ZNF121: variants seen among roughly 807,000 people sequenced by gnomAD.
The protein encoded by ZNF121 is zinc finger protein 121 (clone ZHC32).
Under a neutral mutation model 2.4 loss-of-function variants are expected in ZNF121, and 1 was observed. The observed-to-expected ratio is 0.41, with a 90% CI of 0.15 to 1.94. The LOEUF is 1.94. ZNF121 is among the 30% of genes most tolerant of loss of function. The pLI, the probability that ZNF121 is intolerant of heterozygous loss-of-function variation, is 0.30. For synonymous variants in ZNF121, 173 were observed against 158.6 expected, an observed-to-expected ratio of 1.09 and a Z score of -0.68; for missense variants, 369 against 466.3, an observed-to-expected ratio of 0.79 and a Z score of 1.92.
rs566218272 is a variant in ZNF121, at chr19:9,561,753, A to G, written c.*4187T>C. ...AAAAAAATTAAGTGGGTGCGTTAGCATGTGCCTGTGGTCCCAGGTACTCAG... is the reference window on the plus strand; with the variant it reads ...AAAAAAATTAAGTGGGTGCGTTAGCGTGTGCCTGTGGTCCCAGGTACTCAG... On this transcript the variant is annotated 3_prime_UTR_variant, in exon 4 of 4. Transcript: ENST00000320451. 6.6e-6 allele frequency: 1 copy of G among 152,180 alleles called. No individual in the cohort carries two copies. The highest frequency in any genetic ancestry group is 1.9e-4 in the East Asian group (1 of 5,176). 9.4% of individuals were successfully genotyped at this position (152,180 alleles called of 1,614,324 possible).
intron 1 of ZNF121, among the ~76,000 whole-genome samples, chr19:9,579,915 G>A (rs1367381153): frequency 6.6e-6 from 1 of 152,188 alleles, no homozygotes; most frequent in Non-Finnish European, 1.5e-5. Context: ...AAACATGTAC[G>A]TCTATTATGA....
intron 1 of ZNF121, among the ~76,000 whole-genome samples, chr19:9,575,265 A>T (rs1005091984): frequency 7.0e-6 from 1 of 141,848 alleles, no homozygotes; most frequent in African/African-American, 3.1e-5. Flanking sequence ...ACTAAAAATT[A>T]AAAAAAAATT....
Position 9,561,468 on chromosome 19 carries a change from ACAC to A in ZNF121, c.*4469_*4471del, listed in dbSNP as rs2074100197. 6.6e-6 allele frequency: 1 copy of A among 152,224 alleles called. No individual in the cohort carries two copies. Among genetic ancestry groups the A allele is most frequent in the South Asian group, 2.1e-4 (1 of 4,832 alleles). The allele number at this position is 152,224 out of a possible 1,614,324, so 9.4% of individuals were successfully genotyped here. A position where few individuals can be genotyped will look rare whatever the true frequency, so the allele number is the denominator to read the frequency against. On this transcript the variant is annotated 3_prime_UTR_variant, in exon 4 of 4. Transcript: ENST00000320451. ...TGCATCAAATTTACAGTAGCTAACT[ACAC>A]CCCATAGATTAAGAATTTATGATAC...
Position 9,565,145 on chromosome 19 carries a change from T to A in ZNF121, c.*795A>T, listed in dbSNP as rs1041271730. Reference sequence around the variant, plus strand: ...TTATAGTGGTAGTCTGGAACAAAACTCACAATATCTACAGGGCATGCCTGT... The same window carrying A: ...TTATAGTGGTAGTCTGGAACAAAACACACAATATCTACAGGGCATGCCTGT... On this transcript the variant is annotated 3_prime_UTR_variant, in exon 4 of 4. Coordinates refer to ENST00000320451, the MANE Select transcript of ZNF121 (RefSeq NM_001008727.5). 6.6e-6 allele frequency: 1 copy of A among 151,864 alleles called. No homozygotes were observed. The highest frequency in any genetic ancestry group is 1.5e-5 in the Non-Finnish European group (1 of 67,986). The allele number at this position is 151,864 out of a possible 1,614,324, so 9.4% of individuals were successfully genotyped here.
intron 1 of ZNF121, among the ~76,000 whole-genome samples, chr19:9,582,856 T>C (rs984356705): frequency 6.6e-6 from 1 of 151,884 alleles, no homozygotes; most frequent in South Asian, 2.1e-4. Context: ...AGTCTAAACA[T>C]GCTGTTAATA....
At chr19:9,574,037 T>C (rs2074192687) in intron 1 of ZNF121, among the ~76,000 whole-genome samples, 1 of 151,852 alleles carries the variant, frequency 6.6e-6, no homozygotes, top group Non-Finnish European at 1.5e-5. Context: ...CTTTTTTTTT[T>C]TTTTTTGTAG....
At chr19:9,570,750 G>A (rs908726559) in intron 1 of ZNF121, among the ~76,000 whole-genome samples, 1 of 151,654 alleles carries the variant, frequency 6.6e-6, no homozygotes, top group African/African-American at 2.4e-5. Context: ...GCGAGGGGGG[G>A]GGGTATTTTT....
chr19:9,582,404 G>T (rs1001666093), intron 1 of ZNF121, among the ~76,000 whole-genome samples: 1 of 152,026 alleles, frequency 6.6e-6, no homozygotes, highest in Non-Finnish European at 1.5e-5. Context: ...CCTTCTCCTG[G>T]ACAATGAATC....
rs1366892653 is a variant in ZNF121 at position 9,584,488 on chromosome 19, A to G, written c.-187T>C. 1 of 152,306 alleles carries G rather than the reference A, an allele frequency of 6.6e-6. No homozygotes were observed. Among genetic ancestry groups the G allele is most frequent in the Admixed American group, 6.5e-5 (1 of 15,290 alleles). The allele number at this position is 152,306 out of a possible 1,614,324, so 9.4% of individuals were successfully genotyped here. A position where few individuals can be genotyped will look rare whatever the true frequency, so the allele number is the denominator to read the frequency against. On this transcript the variant is annotated 5_prime_UTR_variant, in exon 1 of 4. Coordinates refer to ENST00000320451, the MANE Select transcript of ZNF121 (RefSeq NM_001008727.5). The stretch of plus-strand genomic sequence containing the variant: ...CAGCCAGGGTGGACTCCACCACGAT[A>G]AAGGCGAAATGGCACTGACCATGCG...
chr19:9,572,098 A>G (rs555660163), intron 1 of ZNF121, among the ~76,000 whole-genome samples: 15 of 152,310 alleles, frequency 9.8e-5, no homozygotes, highest in South Asian at 6.2e-4. Context: ...AGAAGCATGC[A>G]GCATTTACGG....
intron 1 of ZNF121, among the ~76,000 whole-genome samples, chr19:9,576,946 T>C (rs1414297079): frequency 1.3e-5 from 2 of 152,130 alleles, no homozygotes; most frequent in Non-Finnish European, 2.9e-5. Context: ...AATAACAAGA[T>C]TGAAGCCGTA....
At chr19:9,573,311 T>C (rs74630155) in intron 1 of ZNF121, among the ~76,000 whole-genome samples, 2,163 of 152,228 alleles carry the variant, frequency 0.014, 29 homozygotes, top group Non-Finnish European at 0.02. Context: ...GAAAAAACTT[T>C]AGAATATATT....
intron 3 of ZNF121, 42 bp downstream of exon 3, chr19:9,568,053 A>C (rs2074146322): frequency 1.3e-6 from 2 of 1,526,556 alleles, no homozygotes; most frequent in Non-Finnish European, 1.8e-6. Context: ...ATTGAATCCC[A>C]ATCTTTTTTT....
rs1213003439 is a variant in ZNF121, at chr19:9,561,160, T to C, written c.*4780A>G. ...AGAGTTATTAATGTGTGGATACGTA[T>C]ATATAATTTTGTATGTCTTTGCCAT... On this transcript the variant is annotated 3_prime_UTR_variant, in exon 4 of 4. Transcript: ENST00000320451. 1 of 152,220 alleles carries C rather than the reference T, an allele frequency of 6.6e-6. No homozygotes were observed. Among genetic ancestry groups the C allele is most frequent in the African/African-American group, 2.4e-5 (1 of 41,460 alleles). 9.4% of individuals were successfully genotyped at this position (152,220 alleles called of 1,614,324 possible).
chr19:9,583,667 C>A (rs977061243), intron 1 of ZNF121, among the ~76,000 whole-genome samples: 1 of 151,920 alleles, frequency 6.6e-6, no homozygotes, highest in Admixed American at 6.6e-5. Flanking sequence ...TCGCGCCTGG[C>A]TAATTTTTTG....
At chr19:9,569,534 T>C (rs1417367570) in intron 1 of ZNF121, among the ~76,000 whole-genome samples, 1 of 151,664 alleles carries the variant, frequency 6.6e-6, no homozygotes. Context: ...TGTTTTCTGG[T>C]TTTGTTTTTT....
intron 1 of ZNF121, among the ~76,000 whole-genome samples, chr19:9,572,543 G>A (rs1390883462): frequency 2.0e-5 from 3 of 152,176 alleles, no homozygotes; most frequent in Admixed American, 1.3e-4. Flanking sequence ...CAAAGGAGAA[G>A]CCAAGTCAGA....
chr19:9,583,488 G>GATTTTT (rs1568217015), intron 1 of ZNF121, among the ~76,000 whole-genome samples: 1 of 109,816 alleles, frequency 9.1e-6, no homozygotes, highest in African/African-American at 4.6e-5. Flanking sequence ...ACCAAGCCTG[G>GATTTTT]CTTTTTTTTT....
Position 9,566,864 on chromosome 19 carries a change from T to C in ZNF121, c.249A>G (p.Ile83Met). The C allele has an allele frequency of 6.2e-7, 1 of 1,614,228 alleles. No individual in the cohort carries two copies. Among genetic ancestry groups the C allele is most frequent in the Non-Finnish European group, 8.5e-7 (1 of 1,180,028 alleles). Residue 83 changes from isoleucine to methionine, a missense_variant, in exon 4 of 4, where the codon ATA becomes ATG. By Grantham distance (10) the Ile-to-Met change is conservative. Around this residue, in one of 4 missense-constraint regions of ZNF121, gnomAD observed 168 missense variants for 162.3 expected, o/e 1.03. Transcript: ENST00000320451. Reference protein sequence around the residue: ...LPPNVHQRTWIGDKSFEYSDC... With the variant: ...LPPNVHQRTWMGDKSFEYSDC... ...CACTGTATTCAAAGGATTTGTCTCC[T>C]ATCCACGTTCTCTGGTGAACATTTG... is the stretch of plus-strand genomic sequence containing the variant.
Sources: allele counts gnomAD v4.1 joint callset (sites outside exome capture counted in the v4.1 genomes callset), GRCh38; gene constraint gnomAD v4.1.1; regional missense constraint gnomAD v4.1.1; transcripts MANE v1.5; gene names NCBI Gene and HGNC (gene_info 2026-07-23, HGNC 2026-07-21).